The following GLIS3 variants were observed in gnomAD, a reference collection of about 807,000 sequenced individuals.
GLIS3 encodes GLIS family zinc finger 3.
In GLIS3, 53 loss-of-function variants were observed where a neutral mutation model predicts 78.6. The ratio of observed to expected loss-of-function variants is 0.67; its 90% CI spans 0.54 to 0.85. GLIS3 has a LOEUF of 0.85. Ranked by LOEUF, GLIS3 falls within the 40% of genes least tolerant of loss-of-function variation. GLIS3 has a pLI of 0.00. For synonymous variants in GLIS3, 684 were observed against 509.9 expected (o/e 1.34, Z -4.60); for missense variants, 1,703 against 1,231.1 (o/e 1.38, Z -5.74).
the GLIS3 span, among the ~76,000 whole-genome samples, chr9:4,454,173 A>G: frequency 6.7e-6 from 1 of 149,776 alleles, no homozygotes; most frequent in Non-Finnish European, 1.5e-5. Context: ...AAAAAAAAGA[A>G]GAAAGAAAAA....
At chr9:3,959,288 G>A (rs533076502) in intron 4 of GLIS3, among the ~76,000 whole-genome samples, 2 of 152,322 alleles carry the variant, frequency 1.3e-5, no homozygotes, top group Non-Finnish European at 2.9e-5. Flanking sequence ...CAGCCAGGAA[G>A]TAGGCTCTCA....
intron 6 of GLIS3, among the ~76,000 whole-genome samples, chr9:3,900,044 G>A (rs1823170468): frequency 6.6e-6 from 1 of 152,100 alleles, no homozygotes; most frequent in Admixed American, 6.5e-5. Flanking sequence ...CCTACCCTGT[G>A]GTTGTGCGGA....
intron 2 of GLIS3, among the ~76,000 whole-genome samples, chr9:4,148,540 A>G (rs1834405666): frequency 6.6e-6 from 1 of 151,994 alleles, no homozygotes; most frequent in Admixed American, 6.6e-5. Flanking sequence ...ATTCTACCTC[A>G]TGTATCTATA....
intron 4 of GLIS3, among the ~76,000 whole-genome samples, chr9:4,060,847 G>A (rs1826586602): frequency 6.6e-6 from 1 of 152,258 alleles, no homozygotes. Context: ...CTTCTCTGTA[G>A]TTCATCCAGC....
chr9:4,239,167 T>C (rs1246950991), intron 2 of GLIS3, among the ~76,000 whole-genome samples: 2 of 97,360 alleles, frequency 2.1e-5, no homozygotes, highest in Non-Finnish European at 3.7e-5. Flanking sequence ...TGCACTGTTG[T>C]GGGGTGGGGG....
At chr9:4,050,667 TACAGA>T (rs1825689230) in intron 4 of GLIS3, among the ~76,000 whole-genome samples, 1 of 152,222 alleles carries the variant, frequency 6.6e-6, no homozygotes, top group Non-Finnish European at 1.5e-5. Context: ...TATATCTCTG[TACAGA>T]ACACGCTATG....
chr9:4,028,511 C>T (rs1823537246), intron 4 of GLIS3, among the ~76,000 whole-genome samples: 1 of 152,102 alleles, frequency 6.6e-6, no homozygotes, highest in African/African-American at 2.4e-5. Flanking sequence ...TGAGGTATAA[C>T]ATTCATATAG....
chr9:4,276,144 GT>G (rs1441541524), intron 2 of GLIS3, among the ~76,000 whole-genome samples: 1 of 151,032 alleles, frequency 6.6e-6, no homozygotes, highest in African/African-American at 2.4e-5. Flanking sequence ...AAATTAGCCG[GT>G]GGTGACACAT....
At chr9:4,354,767 C>G in the GLIS3 span, among the ~76,000 whole-genome samples, 5 of 152,134 alleles carry the variant, frequency 3.3e-5, no homozygotes, top group African/African-American at 4.8e-5. Flanking sequence ...ACATGCTACC[C>G]CAAATTCCAC....
chr9:4,046,249 G>C (rs1387760037), intron 4 of GLIS3, among the ~76,000 whole-genome samples: 1 of 152,124 alleles, frequency 6.6e-6, no homozygotes, highest in Non-Finnish European at 1.5e-5. Context: ...CTCTATTCTT[G>C]ACCTGCCCAG....
intron 4 of GLIS3, among the ~76,000 whole-genome samples, chr9:4,020,573 G>A (rs1822806504): frequency 6.6e-6 from 1 of 152,192 alleles, no homozygotes; most frequent in East Asian, 1.9e-4. Flanking sequence ...AATCTAAGAG[G>A]CATAAACCAC....
intron 4 of GLIS3, among the ~76,000 whole-genome samples, chr9:3,989,886 T>C (rs1820081050): frequency 6.6e-6 from 1 of 151,590 alleles, no homozygotes; most frequent in Non-Finnish European, 1.5e-5. Flanking sequence ...ACACAAAGAG[T>C]ACAAAACTGA....
the GLIS3 span, among the ~76,000 whole-genome samples, chr9:4,469,319 T>A: frequency 6.6e-6 from 1 of 152,122 alleles, no homozygotes; most frequent in Non-Finnish European, 1.5e-5. Context: ...CCACCCCAAA[T>A]CAACAGAATA....
intron 4 of GLIS3, among the ~76,000 whole-genome samples, chr9:3,992,421 C>T (rs1232958286): frequency 6.6e-6 from 1 of 152,168 alleles, no homozygotes; most frequent in Non-Finnish European, 1.5e-5. Context: ...GTTAAAGGTT[C>T]TGCTGAGAAG....
chr9:3,934,534 C>T (rs193185096), intron 5 of GLIS3, among the ~76,000 whole-genome samples: 10 of 152,166 alleles, frequency 6.6e-5, no homozygotes, highest in East Asian at 1.9e-4. Context: ...CTCAGCCTCC[C>T]GGGTAGCTGG....
At chr9:4,214,700 A>C (rs899681186) in intron 2 of GLIS3, among the ~76,000 whole-genome samples, 2 of 152,226 alleles carry the variant, frequency 1.3e-5, no homozygotes, top group African/African-American at 4.8e-5. Flanking sequence ...TTCTTTCCTA[A>C]GACCAAGGTT....
At chr9:4,241,446 C>T (rs892510631) in intron 2 of GLIS3, among the ~76,000 whole-genome samples, 1 of 152,032 alleles carries the variant, frequency 6.6e-6, no homozygotes, top group Non-Finnish European at 1.5e-5. Context: ...TTCAAAATAG[C>T]TAGAAGAGAA....
At position 3,911,043 on chromosome 9, in the gene GLIS3, T is replaced by C. The variant is rs991870542; in HGVS notation, c.1984-12208A>G. Among the ~76,000 whole-genome samples the C allele has an allele frequency of 2.0e-5, 3 of 152,310 alleles. No individual in the cohort carries two copies. The East Asian group carries it at 5.8e-4, about 29-fold the overall frequency. ...CATATCCCTTATTCTAGACTTTCTG[T>C]CTCTACTCATACAACCTAAATAGTT... On this transcript the variant is annotated intron_variant, in intron 6 of 10. Coordinates refer to ENST00000381971, the MANE Select transcript of GLIS3 (RefSeq NM_001042413.2).
intron 4 of GLIS3, among the ~76,000 whole-genome samples, chr9:3,968,415 G>A (rs1343369030): frequency 1.3e-5 from 2 of 152,116 alleles, no homozygotes; most frequent in Non-Finnish European, 2.9e-5. Context: ...TTTTTTTAAA[G>A]GAGGTAGCAT....
Sources: allele counts gnomAD v4.1 joint callset (sites outside exome capture counted in the v4.1 genomes callset), GRCh38; gene constraint gnomAD v4.1.1; transcripts MANE v1.5; gene names NCBI Gene and HGNC (gene_info 2026-07-23, HGNC 2026-07-21).